The following PRKG1 variants were observed in gnomAD, a reference collection of about 807,000 sequenced individuals.
PRKG1 encodes the protein cGMP-dependent protein kinase 1.
A neutral mutation model predicts 88.1 loss-of-function variants in PRKG1; 35 were observed. The observed-to-expected ratio is 0.40, with a 90% CI of 0.30 to 0.53. The LOEUF is 0.53. PRKG1 is among the 20% of genes least tolerant of loss of function. The probability of loss-of-function intolerance (pLI) is 0.59; values close to 1 mark genes in which losing one functional copy is unlikely to be tolerated. For missense variants in PRKG1, 540 were observed against 839.8 expected, an observed-to-expected ratio of 0.64 and a Z score of 4.41; for synonymous variants, 303 against 292.5, an observed-to-expected ratio of 1.04 and a Z score of -0.37.
chr10:51,925,853 T>A (rs1456535270), intron 5 of PRKG1, among the ~76,000 whole-genome samples: 1 of 152,170 alleles, frequency 6.6e-6, no homozygotes, highest in Non-Finnish European at 1.5e-5. Context: ...ATGCTATTGA[T>A]CTTTAGTTTG....
chr10:52,037,013 A>G (rs1845633067), intron 5 of PRKG1, among the ~76,000 whole-genome samples: 1 of 152,292 alleles, frequency 6.6e-6, no homozygotes, highest in Non-Finnish European at 1.5e-5. Flanking sequence ...TTCCGAGGCG[A>G]TCAAGCAGTG....
chr10:52,112,544 A>G (rs1286021826), intron 7 of PRKG1, among the ~76,000 whole-genome samples: 1 of 152,174 alleles, frequency 6.6e-6, no homozygotes, highest in Non-Finnish European at 1.5e-5. Context: ...CATTGAAAAC[A>G]CATAGGATTC....
intron 2 of PRKG1, among the ~76,000 whole-genome samples, chr10:51,288,611 T>C (rs1225267266): frequency 6.6e-6 from 1 of 152,230 alleles, no homozygotes; most frequent in Non-Finnish European, 1.5e-5. Flanking sequence ...AATTCTATTA[T>C]TATCTTATCT....
intron 2 of PRKG1, among the ~76,000 whole-genome samples, chr10:51,386,163 G>A (rs918057411): frequency 6.6e-6 from 1 of 152,082 alleles, no homozygotes; most frequent in Non-Finnish European, 1.5e-5. Flanking sequence ...TTATTCAGAT[G>A]TTTCAGTCTT....
At chr10:52,122,857 G>T (rs1275491987) in intron 7 of PRKG1, among the ~76,000 whole-genome samples, 1 of 152,188 alleles carries the variant, frequency 6.6e-6, no homozygotes, top group Non-Finnish European at 1.5e-5. Context: ...TTAGGGGAAT[G>T]AATTCATTCA....
chr10:52,037,600 T>C (rs897654226), intron 5 of PRKG1, among the ~76,000 whole-genome samples: 65 of 152,158 alleles, frequency 4.3e-4, no homozygotes, highest in African/African-American at 1.5e-3. Context: ...AAACGCTATC[T>C]GATTTGGGAT....
intron 5 of PRKG1, among the ~76,000 whole-genome samples, chr10:51,919,494 G>T (rs1268275617): frequency 6.6e-6 from 1 of 151,528 alleles, no homozygotes; most frequent in East Asian, 1.9e-4. Flanking sequence ...AACATGATTT[G>T]TCTTGTAAAT....
intron 1 of PRKG1, among the ~76,000 whole-genome samples, chr10:51,138,798 T>G (rs1845756036): frequency 6.9e-6 from 1 of 143,918 alleles, no homozygotes; most frequent in Admixed American, 7.2e-5. Flanking sequence ...TTCCCCTGCC[T>G]CAGCCTCCCG....
At chr10:51,393,975 A>G (rs1200739103) in intron 2 of PRKG1, among the ~76,000 whole-genome samples, 4 of 152,178 alleles carry the variant, frequency 2.6e-5, no homozygotes. Flanking sequence ...TTAATATATG[A>G]AGAAATTCAA....
intron 5 of PRKG1, among the ~76,000 whole-genome samples, chr10:52,007,514 A>C (rs1205843760): frequency 6.6e-6 from 1 of 152,200 alleles, no homozygotes; most frequent in Admixed American, 6.6e-5. Flanking sequence ...ACCAACAAAG[A>C]CCAAAAAGAC....
intron 3 of PRKG1, among the ~76,000 whole-genome samples, chr10:51,595,942 T>C (rs1376937753): frequency 3.3e-5 from 5 of 152,092 alleles, no homozygotes; most frequent in Non-Finnish European, 7.4e-5. Flanking sequence ...GCGATTCTCC[T>C]GCCTCAGACT....
At chr10:51,874,483 G>A (rs969374522) in intron 4 of PRKG1, among the ~76,000 whole-genome samples, 1 of 152,164 alleles carries the variant, frequency 6.6e-6, no homozygotes, top group Admixed American at 6.5e-5. Flanking sequence ...TTCATTATCT[G>A]CAAATCCAAT....
At chr10:51,892,925 T>C (rs1016064854) in intron 4 of PRKG1, among the ~76,000 whole-genome samples, 5 of 152,202 alleles carry the variant, frequency 3.3e-5, no homozygotes, top group Non-Finnish European at 7.3e-5. Flanking sequence ...TAAAAGGTCA[T>C]ACATTCCTTT....
intron 2 of PRKG1, among the ~76,000 whole-genome samples, chr10:51,246,863 C>G (rs1169916650): frequency 6.6e-6 from 1 of 151,910 alleles, no homozygotes; most frequent in Non-Finnish European, 1.5e-5. Context: ...TCCCAGTTTT[C>G]AGAAGAACAT....
chr10:51,119,594 C>G (rs1845213299), intron 1 of PRKG1, among the ~76,000 whole-genome samples: 1 of 151,948 alleles, frequency 6.6e-6, no homozygotes. Context: ...AATTTAATGA[C>G]CCTGTTCATT....
chr10:51,256,454 T>C (rs1363794540), intron 2 of PRKG1, among the ~76,000 whole-genome samples: 2 of 152,102 alleles, frequency 1.3e-5, no homozygotes, highest in Non-Finnish European at 2.9e-5. Flanking sequence ...TGTACTGAGA[T>C]AGCGTGGTAG....
intron 3 of PRKG1, among the ~76,000 whole-genome samples, chr10:51,649,576 G>A (rs1839990596): frequency 6.6e-6 from 1 of 152,194 alleles, no homozygotes; most frequent in Non-Finnish European, 1.5e-5. Flanking sequence ...GTCACCGATA[G>A]AGAGTCGTGA....
At chr10:52,176,110 G>C (rs370490536) in intron 9 of PRKG1, among the ~76,000 whole-genome samples, 7 of 146,106 alleles carry the variant, frequency 4.8e-5, no homozygotes, top group African/African-American at 1.8e-4. Flanking sequence ...TTTTATTATT[G>C]AGTTTTGCAG....
At chr10:51,200,137 G>A (rs981450184) in intron 2 of PRKG1, among the ~76,000 whole-genome samples, 4 of 152,132 alleles carry the variant, frequency 2.6e-5, no homozygotes, top group African/African-American at 7.2e-5. Context: ...TGAAAAATAC[G>A]GGAAAAAGCA....
Sources: gnomAD v4.1 joint callset for allele counts (sites outside exome capture counted in the v4.1 genomes callset) on GRCh38, gnomAD v4.1.1 for gene constraint, MANE v1.5 for transcripts, NCBI Gene and HGNC (gene_info 2026-07-23, HGNC 2026-07-21) for gene names.